The following KSR2 variants were observed in gnomAD, a reference collection of about 807,000 sequenced individuals.
KSR2 encodes the protein kinase suppressor of ras 2.
A neutral mutation model predicts 107.8 loss-of-function variants in KSR2; 25 were observed. That is an observed-to-expected ratio of 0.23 (90% CI 0.17 to 0.32). The LOEUF (loss-of-function observed/expected upper bound fraction) is 0.32, where lower values mean the gene tolerates loss of function less well. Among genes scored for constraint, KSR2 ranks in the 10% least tolerant of loss-of-function variants. The pLI, the probability that KSR2 is intolerant of heterozygous loss-of-function variation, is 1.00. For missense variants in KSR2, 887 were observed against 1,268.9 expected (o/e 0.70, Z 4.57); for synonymous variants, 480 against 507.0 (o/e 0.95, Z 0.71).
intron 4 of KSR2, among the ~76,000 whole-genome samples, chr12:117,684,217 C>T (rs187452038): frequency 4.6e-5 from 7 of 152,272 alleles, no homozygotes; most frequent in South Asian, 2.1e-4. Context: ...TCTTCTCCAC[C>T]GCTCTGACCA....
chr12:117,756,777 G>A (rs1241982804), intron 4 of KSR2, among the ~76,000 whole-genome samples: 2 of 152,176 alleles, frequency 1.3e-5, no homozygotes, highest in African/African-American at 2.4e-5. Flanking sequence ...GCTGGAGGCC[G>A]GGTGCAGTGG....
rs528313659 is a variant in KSR2 at position 117,929,067 on chromosome 12, A to C, written c.180+39009T>G. ...ACCCAGAAACCCAGCACCATCACCA[A>C]GTAGTTGTATGACTTCAGACATACA... is the stretch of plus-strand genomic sequence containing the variant. On this transcript the variant is annotated intron_variant, in intron 1 of 19. Coordinates refer to ENST00000339824, the MANE Select transcript of KSR2 (RefSeq NM_173598.6). Among the ~76,000 whole-genome samples the C allele has an allele frequency of 9.2e-5, 14 of 152,352 alleles. No homozygotes were observed. The East Asian group carries it at 2.7e-3, about 29-fold the overall frequency.
intron 1 of KSR2, among the ~76,000 whole-genome samples, chr12:117,955,718 T>C (rs1566098662): frequency 1.3e-5 from 2 of 152,002 alleles, no homozygotes. Flanking sequence ...GGATCAGATT[T>C]TCAGTCCTCA....
At chr12:117,819,654 C>A (rs1482888053) in intron 3 of KSR2, among the ~76,000 whole-genome samples, 3 of 151,960 alleles carry the variant, frequency 2.0e-5, no homozygotes, top group Admixed American at 2.0e-4. Flanking sequence ...ATAGGTAATA[C>A]AAAAATATTC....
intron 3 of KSR2, among the ~76,000 whole-genome samples, chr12:117,794,398 CCAA>C: frequency 9.3e-6 from 1 of 107,878 alleles, no homozygotes; most frequent in Non-Finnish European, 1.8e-5. Flanking sequence ...CACACTCACA[CCAA>C]CATGCACACA....
chr12:117,863,195 G>C (rs1893368321), intron 1 of KSR2, among the ~76,000 whole-genome samples: 4 of 152,092 alleles, frequency 2.6e-5, no homozygotes, highest in Non-Finnish European at 4.4e-5. Flanking sequence ...GCTGTACTTG[G>C]GTCAAGGGCA....
At chr12:117,639,658 A>ATTATTATTAT (rs139711049) in intron 5 of KSR2, among the ~76,000 whole-genome samples, 1,971 of 102,844 alleles carry the variant, frequency 0.019, 16 homozygotes, top group Middle Eastern at 0.053. Context: ...TATTATTATT[A>ATTATTATTAT]TATTATTTTA....
intron 5 of KSR2, among the ~76,000 whole-genome samples, chr12:117,591,766 G>A (rs1421379319): frequency 6.6e-6 from 1 of 151,932 alleles, no homozygotes; most frequent in Non-Finnish European, 1.5e-5. Context: ...CACTTTGGGA[G>A]GCAGAGGTGA....
chr12:117,481,467 C>A (rs1872173937), intron 16 of KSR2, among the ~76,000 whole-genome samples: 2 of 152,080 alleles, frequency 1.3e-5, no homozygotes, highest in South Asian at 4.1e-4. Context: ...AGAGAAGAGG[C>A]CATATGAGGA....
At chr12:117,772,285 T>C (rs1328232677) in intron 3 of KSR2, among the ~76,000 whole-genome samples, 2 of 24,418 alleles carry the variant, frequency 8.2e-5, no homozygotes, top group African/African-American at 3.6e-4. Context: ...GCACACACAC[T>C]CACACATACA....
intron 4 of KSR2, among the ~76,000 whole-genome samples, chr12:117,717,217 CT>C (rs1276476837): frequency 1.3e-5 from 2 of 152,180 alleles, no homozygotes; most frequent in African/African-American, 4.8e-5. Flanking sequence ...ACATTGCCAG[CT>C]GCACTTTTTA....
chr12:117,828,692 G>T (rs1400462423), intron 3 of KSR2, among the ~76,000 whole-genome samples: 2 of 152,072 alleles, frequency 1.3e-5, no homozygotes, highest in African/African-American at 4.8e-5. Context: ...TTGTTAATTC[G>T]GGGGCCCCTC....
At chr12:117,899,465 C>T (rs982874540) in intron 1 of KSR2, among the ~76,000 whole-genome samples, 2 of 152,068 alleles carry the variant, frequency 1.3e-5, no homozygotes, top group African/African-American at 2.4e-5. Flanking sequence ...TGCACTCCAA[C>T]CTGGGCAACA....
At chr12:117,723,606 AT>A (rs1250696041) in intron 4 of KSR2, among the ~76,000 whole-genome samples, 2 of 152,186 alleles carry the variant, frequency 1.3e-5, no homozygotes, top group African/African-American at 2.4e-5. Flanking sequence ...ATTAAAAAAA[AT>A]AAAAGCTCAA....
chr12:117,689,656 T>C (rs989146639), intron 4 of KSR2, among the ~76,000 whole-genome samples: 1 of 152,146 alleles, frequency 6.6e-6, no homozygotes, highest in Non-Finnish European at 1.5e-5. Flanking sequence ...CCAAGATACA[T>C]TGATTTATGA....
chr12:117,666,588 A>G (rs1352107480), intron 5 of KSR2, among the ~76,000 whole-genome samples: 4 of 152,198 alleles, frequency 2.6e-5, no homozygotes, highest in Non-Finnish European at 5.9e-5. Flanking sequence ...TGTTTGCAAG[A>G]ACTAAATGGG....
chr12:117,793,631 T>C (rs974651210), intron 3 of KSR2, among the ~76,000 whole-genome samples: 1 of 106,476 alleles, frequency 9.4e-6, no homozygotes, highest in African/African-American at 3.8e-5. Flanking sequence ...ACATGCACAC[T>C]TATCCCATGC....
intron 1 of KSR2, among the ~76,000 whole-genome samples, chr12:117,946,832 T>C (rs191573361): frequency 6.6e-6 from 1 of 152,154 alleles, no homozygotes; most frequent in East Asian, 1.9e-4. Context: ...ATCAAACATA[T>C]TAACAGTCTA....
chr12:117,469,655 A>C lies in KSR2; in HGVS notation c.2846+7T>G. 1 of 1,611,630 alleles carries C rather than the reference A, an allele frequency of 6.2e-7. No homozygotes were observed. The highest frequency in any genetic ancestry group is 1.1e-5 in the South Asian group (1 of 90,284). ...AGTGGGGAGAGACATTAAGGGAGAA[A>C]ACCTACTCTGCAGACTTCCAGAAAT... On this transcript the variant is annotated splice_region_variant and intron_variant, in intron 19 of 19. Coordinates refer to ENST00000339824, the MANE Select transcript of KSR2 (RefSeq NM_173598.6).
Sources: allele counts gnomAD v4.1 joint callset (sites outside exome capture counted in the v4.1 genomes callset), GRCh38; gene constraint gnomAD v4.1.1; transcripts MANE v1.5; gene names NCBI Gene and HGNC (gene_info 2026-07-23, HGNC 2026-07-21).